PLXNA2: variants seen among roughly 807,000 people sequenced by gnomAD.
PLXNA2 encodes the protein plexin-A2.
A neutral mutation model predicts 193.5 loss-of-function variants in PLXNA2; 91 were observed. The ratio of observed to expected loss-of-function variants is 0.47; its 90% CI spans 0.40 to 0.56. PLXNA2 has a LOEUF of 0.56. Among genes scored for constraint, PLXNA2 ranks in the 20% least tolerant of loss-of-function variants. The probability of loss-of-function intolerance (pLI) is 0.00; values close to 1 mark genes in which losing one functional copy is unlikely to be tolerated. For synonymous variants in PLXNA2, 997 were observed against 1,027.3 expected (o/e 0.97, Z 0.56); for missense variants, 1,995 against 2,503.2 (o/e 0.80, Z 4.33).
chr1:208,080,927 C>T (rs1483717542), intron 11 of PLXNA2, among the ~76,000 whole-genome samples: 1 of 152,172 alleles, frequency 6.6e-6, no homozygotes, highest in East Asian at 1.9e-4. Context: ...ATTCTAGAAC[C>T]TGAGTCTTTA....
At chr1:208,218,198 C>T (rs568688145) in intron 1 of PLXNA2, 196 bp from the exon 2 acceptor site, 2 of 566,064 alleles carry the variant, frequency 3.5e-6, no homozygotes, top group East Asian at 3.0e-5. Context: ...TGGTCTCTAG[C>T]CTTTATGCTA....
chr1:208,114,014 C>T (rs997178391), intron 4 of PLXNA2, among the ~76,000 whole-genome samples: 2 of 152,160 alleles, frequency 1.3e-5, no homozygotes, highest in Non-Finnish European at 2.9e-5. Flanking sequence ...GTTGAAGCCA[C>T]CTTTAGTGTT....
intron 3 of PLXNA2, among the ~76,000 whole-genome samples, chr1:208,194,348 C>CCCACCCGAT (rs1465120138): frequency 2.6e-5 from 4 of 151,730 alleles, no homozygotes; most frequent in African/African-American, 9.7e-5. Flanking sequence ...CTCCATGCAG[C>CCCACCCGAT]CCACCCGATG....
At chr1:208,215,271 C>G (rs1318049885) in intron 2 of PLXNA2, among the ~76,000 whole-genome samples, 2 of 152,278 alleles carry the variant, frequency 1.3e-5, no homozygotes, top group Non-Finnish European at 2.9e-5. Flanking sequence ...GCTGGGAGTA[C>G]AGGTGTGAGC....
chr1:208,214,276 G>A (rs1572039967), intron 2 of PLXNA2, among the ~76,000 whole-genome samples: 1 of 152,094 alleles, frequency 6.6e-6, no homozygotes, highest in Admixed American at 6.5e-5. Flanking sequence ...TCCAGGTATT[G>A]TGCTAAGCAC....
At chr1:208,059,412 C>G (rs1169828136) in intron 13 of PLXNA2, among the ~76,000 whole-genome samples, 3 of 152,234 alleles carry the variant, frequency 2.0e-5, no homozygotes, top group Admixed American at 6.5e-5. Context: ...TTTCTTCTCC[C>G]TGCTGTGGCT....
At chr1:208,100,243 C>A (rs911670047) in intron 5 of PLXNA2, among the ~76,000 whole-genome samples, 1 of 152,042 alleles carries the variant, frequency 6.6e-6, no homozygotes, top group African/African-American at 2.4e-5. Flanking sequence ...GTGGCACACG[C>A]CTCTAGTTCC....
chr1:208,153,527 G>A (rs1229684727), intron 3 of PLXNA2, among the ~76,000 whole-genome samples: 3 of 152,282 alleles, frequency 2.0e-5, no homozygotes, highest in Non-Finnish European at 2.9e-5. Context: ...TGTTTCTGTC[G>A]AAATGATCTT....
At chr1:208,095,357 T>C (rs752686194) in intron 8 of PLXNA2, among the ~76,000 whole-genome samples, 16 of 152,216 alleles carry the variant, frequency 1.1e-4, no homozygotes, top group Non-Finnish European at 1.9e-4. Flanking sequence ...TGGGGTCTCA[T>C]AGCGTGTGGG....
intron 4 of PLXNA2, among the ~76,000 whole-genome samples, chr1:208,129,851 G>A (rs1668094176): frequency 1.3e-5 from 2 of 152,352 alleles, no homozygotes; most frequent in South Asian, 2.1e-4. Context: ...AAGGCTGTTT[G>A]ATGAGCTATT....
In PLXNA2 at chr1:208,039,643, T is replaced by C. The variant is rs1359874855; in HGVS notation, c.4478A>G (p.Gln1493Arg). The C allele has an allele frequency of 2.5e-6, 4 of 1,614,018 alleles. No homozygotes were observed. The highest frequency in any genetic ancestry group is 3.4e-6 in the Non-Finnish European group (4 of 1,180,060). The change falls in exon 24 of 32, where the codon CAG (glutamine) becomes CGG (arginine). Residue 1493 changes from glutamine (Q) to arginine (R), a missense_variant. This residue lies in a region of PLXNA2 where 1,291 missense variants were observed against 1,673.6 expected (regional missense o/e 0.77). Coordinates refer to ENST00000367033, the MANE Select transcript of PLXNA2 (RefSeq NM_025179.4). ...YSLSEDKLIRQQIEYKTLILN... is the reference protein window; with the variant it reads ...YSLSEDKLIRRQIEYKTLILN... ...CACCAGGGTCTTGTACTCGATCTGC[T>C]GCCGGATGAGCTTGTCCTCGCTCAG...
intron 4 of PLXNA2, among the ~76,000 whole-genome samples, chr1:208,121,285 A>G (rs1423244888): frequency 1.3e-5 from 2 of 152,080 alleles, no homozygotes; most frequent in Admixed American, 1.3e-4. Flanking sequence ...CCCCAGGAGG[A>G]TTTATACACC....
At chr1:208,168,727 T>TTTG (rs1669392166) in intron 3 of PLXNA2, among the ~76,000 whole-genome samples, 2 of 122,560 alleles carry the variant, frequency 1.6e-5, no homozygotes, top group African/African-American at 6.9e-5. Flanking sequence ...ATGCGGGGTT[T>TTTG]TTTTTTTTTT....
At chr1:208,095,717 G>T (rs1227885508) in intron 8 of PLXNA2, among the ~76,000 whole-genome samples, 1 of 152,090 alleles carries the variant, frequency 6.6e-6, no homozygotes, top group Admixed American at 6.5e-5. Flanking sequence ...ACCAAGTGAT[G>T]GAAAATGAAG....
intron 12 of PLXNA2, among the ~76,000 whole-genome samples, chr1:208,076,320 C>T (rs1479777086): frequency 6.6e-6 from 1 of 152,140 alleles, no homozygotes; most frequent in Non-Finnish European, 1.5e-5. Flanking sequence ...TTCAAGCAAT[C>T]CTCTCAGCTT....
chr1:208,214,443 C>T (rs1263189353), intron 2 of PLXNA2, among the ~76,000 whole-genome samples: 2 of 152,212 alleles, frequency 1.3e-5, no homozygotes, highest in Non-Finnish European at 2.9e-5. Context: ...TAATCCCCAT[C>T]TGGTTTACTT....
chr1:208,121,562 C>A (rs1177196345), intron 4 of PLXNA2, among the ~76,000 whole-genome samples: 1 of 152,060 alleles, frequency 6.6e-6, no homozygotes, highest in Admixed American at 6.5e-5. Context: ...TGGCATTCCC[C>A]CTACTGGCAC....
At chr1:208,220,512 G>C (rs928420113) in intron 1 of PLXNA2, among the ~76,000 whole-genome samples, 2 of 151,906 alleles carry the variant, frequency 1.3e-5, no homozygotes, top group Non-Finnish European at 2.9e-5. Context: ...AGCTCATTGA[G>C]ACCTCCGCCT....
At chr1:208,077,168 G>C (rs534297096) in intron 12 of PLXNA2, among the ~76,000 whole-genome samples, 1 of 152,170 alleles carries the variant, frequency 6.6e-6, no homozygotes, top group South Asian at 2.1e-4. Flanking sequence ...GACCTCCCCC[G>C]AGTGGCTTGG....
Sources: gnomAD v4.1 joint callset for allele counts (sites outside exome capture counted in the v4.1 genomes callset) on GRCh38, gnomAD v4.1.1 for gene constraint, gnomAD v4.1.1 regional missense constraint, MANE v1.5 for transcripts, NCBI Gene and HGNC (gene_info 2026-07-23, HGNC 2026-07-21) for gene names.